NLGN4Y: variants seen among roughly 807,000 people sequenced by gnomAD.
The protein encoded by NLGN4Y is neuroligin-4, Y-linked.
A neutral mutation model predicts 8.4 loss-of-function variants in NLGN4Y; 4 were observed. That is an observed-to-expected ratio of 0.48 (90% CI 0.23 to 1.09). NLGN4Y has a LOEUF of 1.09. NLGN4Y is among the 50% of genes least tolerant of loss of function. The pLI is 0.19. For missense variants in NLGN4Y, 90 were observed against 192.3 expected, an observed-to-expected ratio of 0.47 and a Z score of 3.15; for synonymous variants, 35 against 75.6, an observed-to-expected ratio of 0.46 and a Z score of 2.78.
intron 1 of NLGN4Y, among the ~76,000 whole-genome samples, chrY:14,610,895 G>A (rs2080465173): frequency 3.1e-5 from 1 of 32,333 alleles, no homozygotes; most frequent in Non-Finnish European, 7.6e-5. Flanking sequence ...TATGAATCTG[G>A]GTGCTCCTGT....
At chrY:14,631,500 C>G in intron 2 of NLGN4Y, among the ~76,000 whole-genome samples, 1 of 34,317 alleles carries the variant, frequency 2.9e-5, no homozygotes, top group African/African-American at 1.1e-4. Context: ...CAGGGACATT[C>G]TGCAAATTTG....
intron 1 of NLGN4Y, among the ~76,000 whole-genome samples, chrY:14,572,746 G>T: frequency 6.0e-5 from 2 of 33,085 alleles, no homozygotes; most frequent in Admixed American, 2.8e-4. Flanking sequence ...GTCATAGATA[G>T]CTCTTATCAT....
intron 2 of NLGN4Y, among the ~76,000 whole-genome samples, chrY:14,671,968 GA>G (rs2080712452): frequency 2.9e-5 from 1 of 34,185 alleles, no homozygotes; most frequent in Non-Finnish European, 7.3e-5. Flanking sequence ...ATGCATTGTA[GA>G]AAGGATAATA....
intron 1 of NLGN4Y, among the ~76,000 whole-genome samples, chrY:14,558,459 A>G: frequency 3.0e-5 from 1 of 33,258 alleles, no homozygotes; most frequent in South Asian, 6.9e-4. Context: ...TGGTGTGAAG[A>G]GGCACAAGAA....
intron 2 of NLGN4Y, among the ~76,000 whole-genome samples, chrY:14,714,187 TCCTGAACCGTCTATTA>T (rs2080907880): frequency 3.0e-5 from 1 of 33,061 alleles, no homozygotes; most frequent in Non-Finnish European, 7.4e-5. Context: ...AAATTGTTTT[TCCTGAACCGTCTATTA>T]CCTGCATGTA....
At chrY:14,724,963 A>G (rs2080950836) in intron 4 of NLGN4Y, among the ~76,000 whole-genome samples, 1 of 33,133 alleles carries the variant, frequency 3.0e-5, no homozygotes, top group Non-Finnish European at 7.4e-5. Flanking sequence ...TAAGGATACC[A>G]GTCATTGGAT....
chrY:14,762,758 T>C (rs2081084820), intron 4 of NLGN4Y, among the ~76,000 whole-genome samples: 1 of 33,799 alleles, frequency 3.0e-5, no homozygotes, highest in African/African-American at 1.1e-4. Flanking sequence ...CTACCAGCCA[T>C]AAAAGGGGTG....
intron 1 of NLGN4Y, among the ~76,000 whole-genome samples, chrY:14,532,736 ATACAT>A (rs2080118823): frequency 2.5e-4 from 8 of 32,642 alleles, no homozygotes; most frequent in African/African-American, 6.0e-4. Flanking sequence ...TTTTTGTTGT[ATACAT>A]TACATTTTTT....
At chrY:14,747,881 A>G (rs2081028282) in intron 4 of NLGN4Y, among the ~76,000 whole-genome samples, 2 of 33,981 alleles carry the variant, frequency 5.9e-5, no homozygotes, top group African/African-American at 2.3e-4. Flanking sequence ...ATGGAGTAAG[A>G]CATTGTACAA....
At chrY:14,558,681 C>G in intron 1 of NLGN4Y, among the ~76,000 whole-genome samples, 1 of 33,018 alleles carries the variant, frequency 3.0e-5, no homozygotes, top group East Asian at 8.0e-4. Context: ...TCAGTGACTT[C>G]TTATGATGGT....
intron 4 of NLGN4Y, among the ~76,000 whole-genome samples, chrY:14,770,061 A>G: frequency 6.0e-5 from 2 of 33,557 alleles, no homozygotes; most frequent in African/African-American, 1.2e-4. Flanking sequence ...TCAGGGGACT[A>G]TAGATAAAAC....
chrY:14,708,511 A>AGTTCC, intron 2 of NLGN4Y, among the ~76,000 whole-genome samples: 1 of 33,937 alleles, frequency 2.9e-5, no homozygotes, highest in East Asian at 7.7e-4. Flanking sequence ...TAAATATTAT[A>AGTTCC]ATTCATTTGG....
At chrY:14,768,860 T>G in intron 4 of NLGN4Y, among the ~76,000 whole-genome samples, 1 of 34,036 alleles carries the variant, frequency 2.9e-5, no homozygotes. Flanking sequence ...CGATGAAATA[T>G]TCTTGTTTTT....
chrY:14,569,711 C>T (rs2080263257), intron 1 of NLGN4Y, among the ~76,000 whole-genome samples: 1 of 33,537 alleles, frequency 3.0e-5, no homozygotes, highest in Non-Finnish European at 7.4e-5. Context: ...TCCATAGTAG[C>T]GTAAATATTT....
chrY:14,783,953 A>T (rs2042951719), intron 4 of NLGN4Y, among the ~76,000 whole-genome samples: 2 of 34,099 alleles, frequency 5.9e-5, no homozygotes, highest in African/African-American at 1.1e-4. Flanking sequence ...TTCAGAATTA[A>T]TTTTTTTCCT....
At chrY:14,804,826 C>T in intron 4 of NLGN4Y, among the ~76,000 whole-genome samples, 2 of 33,228 alleles carry the variant, frequency 6.0e-5, no homozygotes, top group African/African-American at 2.4e-4. Flanking sequence ...TCGCATGTGC[C>T]GTCTCAATAG....
intron 1 of NLGN4Y, among the ~76,000 whole-genome samples, chrY:14,556,130 C>T (rs2080209996): frequency 3.1e-5 from 1 of 32,485 alleles, no homozygotes; most frequent in African/African-American, 1.2e-4. Context: ...TCTAGCTAGG[C>T]ACCAGAGTGA....
At chrY:14,602,454 G>A (rs2080430143) in intron 1 of NLGN4Y, among the ~76,000 whole-genome samples, 1 of 32,938 alleles carries the variant, frequency 3.0e-5, no homozygotes, top group African/African-American at 1.2e-4. Context: ...GCAGAGAAAT[G>A]TACTTCCTCA....
At chrY:14,676,374 C>A (rs2080749176) in intron 2 of NLGN4Y, among the ~76,000 whole-genome samples, 1 of 33,653 alleles carries the variant, frequency 3.0e-5, no homozygotes, top group Non-Finnish European at 7.4e-5. Context: ...CATTGCCAAA[C>A]CCAGTGGCGT....
Sources: allele counts gnomAD v4.1 joint callset (sites outside exome capture counted in the v4.1 genomes callset), GRCh38; gene constraint gnomAD v4.1.1; transcripts MANE v1.5; gene names NCBI Gene and HGNC (gene_info 2026-07-23, HGNC 2026-07-21).